NCEH1: variants seen among roughly 807,000 people sequenced by gnomAD.
The protein encoded by NCEH1 is 2-acetyl MAGE hydrolase.
Under a neutral mutation model 25.4 loss-of-function variants are expected in NCEH1, and 9 were observed. The ratio of observed to expected loss-of-function variants is 0.35; its 90% confidence interval spans 0.21 to 0.62. The LOEUF (loss-of-function observed/expected upper bound fraction) is 0.62. Ranked by LOEUF, NCEH1 falls within the 20% of genes least tolerant of loss-of-function variation. NCEH1 has a pLI of 0.72. For synonymous variants in NCEH1, 200 were observed against 199.8 expected, an observed-to-expected ratio of 1.00 and a Z score of -0.01; for missense variants, 412 against 501.1, an observed-to-expected ratio of 0.82 and a Z score of 1.70.
intron 1 of NCEH1, among the ~76,000 whole-genome samples, chr3:172,660,612 T>C (rs1717929745): frequency 6.6e-6 from 1 of 152,258 alleles, no homozygotes; most frequent in Non-Finnish European, 1.5e-5. Flanking sequence ...AGCATTCTTA[T>C]TTCTCCACAT....
At chr3:172,675,051 T>C (rs1711884991) in intron 1 of NCEH1, among the ~76,000 whole-genome samples, 2 of 152,232 alleles carry the variant, frequency 1.3e-5, no homozygotes, top group African/African-American at 4.8e-5. Flanking sequence ...GGCTCATGCC[T>C]ATAATCCCGG....
intron 3 of NCEH1, among the ~76,000 whole-genome samples, chr3:172,638,274 TC>T (rs149565698): frequency 0.13 from 1,251 of 9,286 alleles, 236 homozygotes; most frequent in East Asian, 0.24. Context: ...CGAGACTCTG[TC>T]CAAAAAAAAA....
At chr3:172,639,202 G>A (rs1332883463) in intron 3 of NCEH1, among the ~76,000 whole-genome samples, 1 of 151,392 alleles carries the variant, frequency 6.6e-6, no homozygotes, top group Admixed American at 6.6e-5. Context: ...GGAGGCTGAG[G>A]CAGGAGAATC....
At chr3:172,709,802 T>A (rs1284350119) in intron 1 of NCEH1, among the ~76,000 whole-genome samples, 1 of 152,172 alleles carries the variant, frequency 6.6e-6, no homozygotes, top group African/African-American at 2.4e-5. Flanking sequence ...CTTTCTCTAG[T>A]TGTCATTTCT....
chr3:172,706,335 T>C (rs1026090222), intron 1 of NCEH1, among the ~76,000 whole-genome samples: 2 of 152,182 alleles, frequency 1.3e-5, no homozygotes, highest in Non-Finnish European at 2.9e-5. Flanking sequence ...CATGTTTTGA[T>C]ATATAAATAG....
intron 1 of NCEH1, among the ~76,000 whole-genome samples, chr3:172,663,548 G>A (rs538199106): frequency 2.0e-5 from 3 of 152,264 alleles, no homozygotes; most frequent in Admixed American, 6.5e-5. Context: ...TCTGTCTAAT[G>A]TTGACAGTAG....
intron 1 of NCEH1, among the ~76,000 whole-genome samples, chr3:172,661,111 C>A (rs187304990): frequency 1.4e-4 from 21 of 152,206 alleles, no homozygotes; most frequent in Non-Finnish European, 2.5e-4. Flanking sequence ...TTTTAGGTCT[C>A]ACATTTATGT....
chr3:172,642,502 A>G (rs1054868179), intron 3 of NCEH1, among the ~76,000 whole-genome samples: 1 of 149,858 alleles, frequency 6.7e-6, no homozygotes, highest in African/African-American at 2.5e-5. Flanking sequence ...GAGAAACATC[A>G]TGATCATATA....
intron 1 of NCEH1, among the ~76,000 whole-genome samples, chr3:172,656,196 T>C (rs1304051101): frequency 6.6e-6 from 1 of 152,118 alleles, no homozygotes; most frequent in Non-Finnish European, 1.5e-5. Context: ...TTACGTTCAC[T>C]GTTTGTAGAC....
At chr3:172,642,869 A>T (rs569171013) in intron 3 of NCEH1, among the ~76,000 whole-genome samples, 13 of 152,284 alleles carry the variant, frequency 8.5e-5, no homozygotes, top group African/African-American at 3.1e-4. Context: ...TGGGTTCTGG[A>T]GATGCAAAGG....
At chr3:172,688,246 C>T (rs1712808094) in intron 1 of NCEH1, among the ~76,000 whole-genome samples, 2 of 138,756 alleles carry the variant, frequency 1.4e-5, no homozygotes, top group Admixed American at 1.6e-4. Flanking sequence ...ACAAGAATCG[C>T]TTGAATCTGG....
chr3:172,682,148 T>C (rs1712416865), intron 1 of NCEH1, among the ~76,000 whole-genome samples: 1 of 152,190 alleles, frequency 6.6e-6, no homozygotes, highest in South Asian at 2.1e-4. Context: ...CTACTGTTAA[T>C]GACCTCAGGA....
intron 1 of NCEH1, among the ~76,000 whole-genome samples, chr3:172,689,651 C>A: frequency 1.4e-5 from 1 of 70,348 alleles, no homozygotes; most frequent in Non-Finnish European, 3.0e-5. Flanking sequence ...GCGGAGATTG[C>A]AATGAGCTGA....
At chr3:172,687,682 T>C (rs1712775363) in intron 1 of NCEH1, among the ~76,000 whole-genome samples, 1 of 152,198 alleles carries the variant, frequency 6.6e-6, no homozygotes. Flanking sequence ...GGCGATTACA[T>C]GACACAGAGA....
At chr3:172,648,406 C>A (rs772518213) in intron 1 of NCEH1, among the ~76,000 whole-genome samples, 1 of 152,156 alleles carries the variant, frequency 6.6e-6, no homozygotes, top group African/African-American at 2.4e-5. Flanking sequence ...GGACTCAAAC[C>A]TAAGATTAGG....
chr3:172,645,381 C>CT (rs1281117447), intron 3 of NCEH1, among the ~76,000 whole-genome samples: 1 of 152,022 alleles, frequency 6.6e-6, no homozygotes, highest in Non-Finnish European at 1.5e-5. Flanking sequence ...TTAGTTAATC[C>CT]TTTTTTCAGT....
At chr3:172,646,615 T>G (rs1717133200) in intron 2 of NCEH1, among the ~76,000 whole-genome samples, 1 of 152,092 alleles carries the variant, frequency 6.6e-6, no homozygotes, top group African/African-American at 2.4e-5. Context: ...ATTTCCTTAT[T>G]TATAGGGTTT....
intron 1 of NCEH1, among the ~76,000 whole-genome samples, chr3:172,667,332 A>G (rs1017214082): frequency 5.3e-5 from 8 of 152,232 alleles, no homozygotes; most frequent in African/African-American, 1.9e-4. Flanking sequence ...ATGCTTTAGC[A>G]CGGGGCATAA....
intron 1 of NCEH1, among the ~76,000 whole-genome samples, chr3:172,692,384 T>C (rs972864180): frequency 4.6e-5 from 7 of 152,156 alleles, no homozygotes; most frequent in Non-Finnish European, 1.0e-4. Context: ...TGAGACAGGG[T>C]CTGGCTCTGT....
Sources: gnomAD v4.1 joint callset for allele counts (sites outside exome capture counted in the v4.1 genomes callset) on GRCh38, gnomAD v4.1.1 for gene constraint, MANE v1.5 for transcripts, NCBI Gene and HGNC (gene_info 2026-07-23, HGNC 2026-07-21) for gene names.